The following ADGB variants were observed in gnomAD, a reference collection of about 807,000 sequenced individuals.
The protein encoded by ADGB is androglobin, also known as calpain-7-like protein.
ADGB carries 172 observed loss-of-function variants against 210.5 expected under a neutral mutation model. The ratio of observed to expected loss-of-function variants is 0.82; its 90% CI spans 0.72 to 0.93. The LOEUF (loss-of-function observed/expected upper bound fraction) is 0.93, where lower values mean the gene tolerates loss of function less well. Among genes scored for constraint, ADGB ranks in the 40% least tolerant of loss-of-function variants. The probability of loss-of-function intolerance (pLI) is 0.00; values close to 1 mark genes in which losing one functional copy is unlikely to be tolerated. For missense variants in ADGB, 2,025 were observed against 1,964.8 expected (o/e 1.03, Z -0.58); for synonymous variants, 658 against 662.7 (o/e 0.99, Z 0.11).
intron 26 of ADGB, among the ~76,000 whole-genome samples, chr6:146,751,408 C>A (rs945160699): frequency 6.6e-6 from 1 of 151,960 alleles, no homozygotes; most frequent in Non-Finnish European, 1.5e-5. Flanking sequence ...AATTCCATGT[C>A]TTTGCTGTTG....
chr6:146,711,357 TTG>T (rs1294871155), intron 13 of ADGB, among the ~76,000 whole-genome samples: 1 of 152,000 alleles, frequency 6.6e-6, no homozygotes, highest in East Asian at 1.9e-4. Context: ...TAAATGCCTG[TTG>T]TTTTTTTTTT....
chr6:146,627,626 C>T (rs1780996176), intron 1 of ADGB, among the ~76,000 whole-genome samples: 1 of 152,120 alleles, frequency 6.6e-6, no homozygotes, highest in Non-Finnish European at 1.5e-5. Context: ...CGTGAGTCCT[C>T]AGATTCTCTC....
chr6:146,785,195 T>C (rs1037806162), intron 31 of ADGB, among the ~76,000 whole-genome samples: 2 of 152,114 alleles, frequency 1.3e-5, no homozygotes, highest in African/African-American at 4.8e-5. Flanking sequence ...CCTTGTGGAA[T>C]ATACACACCT....
chr6:146,809,678 C>A (rs974124487), intron 35 of ADGB, among the ~76,000 whole-genome samples: 18 of 152,116 alleles, frequency 1.2e-4, no homozygotes, highest in African/African-American at 4.3e-4. Context: ...AAATGATCAA[C>A]TAATTTTTGA....
In ADGB at chr6:146,644,815, T is replaced by C; in HGVS notation, c.280T>C (p.Ser94Pro). The change falls in exon 3 of 36, where the codon TCC (serine) becomes CCC (proline). Residue 94 changes from serine to proline, a missense_variant. Coordinates refer to ENST00000397944, the MANE Select transcript of ADGB (RefSeq NM_024694.4). ...DPEGKIELPP[S>P]LKIYSWKRPQ... is the part of the protein sequence containing the mutation. ...TGAAGGAAAGATTGAGTTACCACCA[T>C]CCTTGAAAATTTATTCCTGGAAACG... 1 of 1,493,532 alleles carries C rather than the reference T, an allele frequency of 6.7e-7. No individual in the cohort carries two copies. The allele number at this position is 1,493,532 out of a possible 1,614,324, so 92.5% of individuals were successfully genotyped here.
At chr6:146,605,180 G>A (rs1176986307) in intron 1 of ADGB, among the ~76,000 whole-genome samples, 3 of 152,158 alleles carry the variant, frequency 2.0e-5, no homozygotes, top group African/African-American at 7.2e-5. Context: ...CAATTGCATG[G>A]AATTTATGCT....
intron 33 of ADGB, among the ~76,000 whole-genome samples, chr6:146,789,719 T>A (rs1294899979): frequency 6.6e-6 from 1 of 152,180 alleles, no homozygotes; most frequent in East Asian, 1.9e-4. Flanking sequence ...ACCATTAATA[T>A]TTAATTTGTA....
At position 146,726,215 on chromosome 6, in the gene ADGB, A is replaced by C. The variant is rs2114577624; in HGVS notation, c.2352+18A>C. On this transcript the variant is annotated intron_variant, in intron 19 of 35. Transcript: ENST00000397944. ...TTGAACCAGTAAGTATTTTTGCAACAGCAAGTTATTTATTTATTTATTTAG... is the reference window on the plus strand; with the variant it reads ...TTGAACCAGTAAGTATTTTTGCAACCGCAAGTTATTTATTTATTTATTTAG... The C allele has an allele frequency of 6.8e-7, 1 of 1,466,406 alleles. No individual in the cohort carries two copies. The highest frequency in any genetic ancestry group is 2.5e-5 in the East Asian group (1 of 40,074). 90.8% of individuals were successfully genotyped at this position (1,466,406 alleles called of 1,614,324 possible). A position where few individuals can be genotyped will look rare whatever the true frequency, so the allele number is the denominator to read the frequency against.
At chr6:146,664,912 A>G (rs1304971438) in intron 6 of ADGB, among the ~76,000 whole-genome samples, 1 of 152,050 alleles carries the variant, frequency 6.6e-6, no homozygotes, top group Non-Finnish European at 1.5e-5. Context: ...GCACCAACAT[A>G]TATGAGACAC....
chr6:146,805,844 C>T (rs556634536), intron 35 of ADGB, among the ~76,000 whole-genome samples: 1 of 152,320 alleles, frequency 6.6e-6, no homozygotes, highest in East Asian at 1.9e-4. Flanking sequence ...CTTGAAGGCA[C>T]TTACCCTGCA....
At chr6:146,655,910 T>C (rs1775772954) in intron 4 of ADGB, among the ~76,000 whole-genome samples, 1 of 152,158 alleles carries the variant, frequency 6.6e-6, no homozygotes, top group Non-Finnish European at 1.5e-5. Flanking sequence ...TTAATTTCCT[T>C]ATAAACCAGG....
chr6:146,663,146 T>A (rs2114892560), intron 5 of ADGB, among the ~76,000 whole-genome samples: 1 of 141,184 alleles, frequency 7.1e-6, no homozygotes, highest in Admixed American at 7.3e-5. Flanking sequence ...TATATAATTA[T>A]AAATATATAA....
intron 32 of ADGB, among the ~76,000 whole-genome samples, chr6:146,786,852 C>T (rs561163903): frequency 3.3e-5 from 5 of 152,008 alleles, no homozygotes; most frequent in Non-Finnish European, 7.4e-5. Flanking sequence ...AAATATTACA[C>T]TGAATACATT....
At position 146,693,079 on chromosome 6, in the gene ADGB, T is replaced by C. The variant is rs573724419; in HGVS notation, c.1577+164T>C. Among the ~76,000 whole-genome samples, 3 of 152,360 alleles carry C rather than the reference T, an allele frequency of 2.0e-5. No individual in the cohort carries two copies. The East Asian group carries it at 5.8e-4, about 29-fold the overall frequency. On this transcript the variant is annotated intron_variant, in intron 12 of 35. Coordinates refer to ENST00000397944, the MANE Select transcript of ADGB (RefSeq NM_024694.4). ...AAAAGGACATTTTCTTGACCTTTTA[T>C]AGCTTGTAGTTACATTAATCCACTT...
intron 8 of ADGB, among the ~76,000 whole-genome samples, chr6:146,675,356 T>A (rs1776070920): frequency 6.6e-6 from 1 of 151,948 alleles, no homozygotes; most frequent in South Asian, 2.1e-4. Flanking sequence ...ACACCTGTAG[T>A]CCCAGCTATT....
intron 35 of ADGB, among the ~76,000 whole-genome samples, chr6:146,805,030 C>T (rs771050351): frequency 2.0e-5 from 3 of 152,158 alleles, no homozygotes; most frequent in Non-Finnish European, 4.4e-5. Context: ...CCAACTCTGG[C>T]TAAAAACAGT....
intron 13 of ADGB, among the ~76,000 whole-genome samples, chr6:146,704,109 TCTC>T (rs1776533679): frequency 1.3e-5 from 2 of 152,054 alleles, no homozygotes; most frequent in Non-Finnish European, 1.5e-5. Flanking sequence ...TTGTATGTCT[TCTC>T]CTGAGAAATG....
intron 13 of ADGB, among the ~76,000 whole-genome samples, chr6:146,712,401 G>A (rs924302263): frequency 6.6e-5 from 10 of 152,066 alleles, no homozygotes; most frequent in Admixed American, 5.2e-4. Context: ...TGGCCAGGCC[G>A]GTCTTAAACT....
intron 1 of ADGB, among the ~76,000 whole-genome samples, chr6:146,629,114 A>G (rs1385229895): frequency 6.6e-6 from 1 of 152,214 alleles, no homozygotes; most frequent in African/African-American, 2.4e-5. Context: ...TTCCACATAC[A>G]GTGAGTTTAA....
Sources: gnomAD v4.1 joint callset for allele counts (sites outside exome capture counted in the v4.1 genomes callset) on GRCh38, gnomAD v4.1.1 for gene constraint, MANE v1.5 for transcripts, NCBI Gene and HGNC (gene_info 2026-07-23, HGNC 2026-07-21) for gene names.